DMD: variants seen among roughly 807,000 people sequenced by gnomAD.
DMD encodes the protein mutant dystrophin.
Under a neutral mutation model 330.1 loss-of-function variants are expected in DMD, and 63 were observed. The observed-to-expected ratio is 0.19, with a 90% confidence interval of 0.16 to 0.24. The LOEUF is 0.24. DMD is among the 10% of genes least tolerant of loss of function. The probability of loss-of-function intolerance (pLI) is 1.00; values close to 1 mark genes in which losing one functional copy is unlikely to be tolerated. For missense variants in DMD, 3,344 were observed against 2,684.1 expected (o/e 1.25, Z -5.43); for synonymous variants, 1,223 against 959.8 (o/e 1.27, Z -5.07).
chrX:32,204,976 A>C (rs967640995), intron 44 of DMD, among the ~76,000 whole-genome samples: 34 of 45,305 alleles, frequency 7.5e-4, no homozygotes, highest in Non-Finnish European at 9.1e-4. Flanking sequence ...CATCCAAGCC[A>C]TCTCTCTCTC....
intron 59 of DMD, among the ~76,000 whole-genome samples, chrX:31,451,700 T>A (rs1188681857): frequency 9.0e-6 from 1 of 111,324 alleles, no homozygotes; most frequent in Non-Finnish European, 1.9e-5. Context: ...TTCTGCCAAA[T>A]TCTGAGGGAC....
intron 44 of DMD, among the ~76,000 whole-genome samples, chrX:32,120,950 C>G (rs1001515592): frequency 8.9e-6 from 1 of 112,333 alleles, no homozygotes; most frequent in Admixed American, 9.4e-5. Context: ...TCTGGCTGCT[C>G]AAATCCCAAT....
intron 45 of DMD, among the ~76,000 whole-genome samples, chrX:31,958,720 G>T (rs1232157397): frequency 8.9e-6 from 1 of 111,952 alleles, no homozygotes; most frequent in Non-Finnish European, 1.9e-5. Flanking sequence ...TTATTGAGAA[G>T]CAGTTAGTTC....
chrX:32,330,018 G>A (rs968257218), intron 41 of DMD, among the ~76,000 whole-genome samples: 7 of 112,169 alleles, frequency 6.2e-5, no homozygotes, highest in African/African-American at 2.3e-4. Context: ...TTTAAAAACT[G>A]CTCATGATTA....
rs1603449187 is a variant in DMD, at chrX:31,699,202, G to T, written c.7661-19616C>A. On this transcript the variant is annotated intron_variant, in intron 52 of 78. Coordinates refer to ENST00000357033, the MANE Select transcript of DMD (RefSeq NM_004006.3). ...TGGTAACACTGTTGGACTTTTCTGG[G>T]GCTTCTTAAATCCTGAGTCATAAAG... 4.5e-5 allele frequency among the ~76,000 whole-genome samples: 5 copies of T among 111,939 alleles called. 1 individual carries two copies. In the Admixed American group the frequency reaches 4.7e-4, roughly 11 times the overall value.
At chrX:32,770,129 C>T (rs2073443927) in intron 7 of DMD, among the ~76,000 whole-genome samples, 1 of 111,848 alleles carries the variant, frequency 8.9e-6, no homozygotes, top group Admixed American at 9.5e-5. Flanking sequence ...CAATAAAAGG[C>T]AGGCATAGAA....
At chrX:32,689,423 TA>T (rs2063111776) in intron 9 of DMD, among the ~76,000 whole-genome samples, 1 of 111,296 alleles carries the variant, frequency 9.0e-6, no homozygotes, top group Non-Finnish European at 1.9e-5. Flanking sequence ...AAGTAATTTT[TA>T]AACTCTCAAC....
Position 32,515,425 on chromosome X carries a change from C to A in DMD, c.2292+2583G>T, listed in dbSNP as rs1045893617. Among the ~76,000 whole-genome samples, 4 of 111,028 alleles carry A rather than the reference C, an allele frequency of 3.6e-5. No homozygotes were observed. In the Admixed American group the frequency reaches 3.8e-4, roughly 11 times the overall value. On this transcript the variant is annotated intron_variant, in intron 18 of 78. Coordinates refer to ENST00000357033, the MANE Select transcript of DMD (RefSeq NM_004006.3). The stretch of plus-strand genomic sequence containing the variant: ...TGAAAGAGGGTAATCAAGTGCAGAT[C>A]CGAGGAAGAGCCCAAAGCCAGATGA...
chrX:32,236,429 C>A (rs139943640), intron 43 of DMD, among the ~76,000 whole-genome samples: 1 of 111,776 alleles, frequency 8.9e-6, no homozygotes, highest in East Asian at 2.8e-4. Flanking sequence ...TTACTTGTTC[C>A]AGTCCGATGG....
intron 9 of DMD, among the ~76,000 whole-genome samples, chrX:32,647,700 A>G (rs2059869449): frequency 1.8e-5 from 2 of 112,106 alleles, no homozygotes; most frequent in South Asian, 7.4e-4. Context: ...AGAATTAAAG[A>G]GTGCATAATG....
chrX:33,166,151 A>C (rs143336081), intron 1 of DMD, among the ~76,000 whole-genome samples: 113 of 111,369 alleles, frequency 1.0e-3, no homozygotes, highest in African/African-American at 3.4e-3. Flanking sequence ...AGTATATTCT[A>C]GGTTTTAAAA....
At chrX:31,819,779 G>A (rs1478978140) in intron 50 of DMD, among the ~76,000 whole-genome samples, 196 bp downstream of exon 50, 1 of 112,972 alleles carries the variant, frequency 8.9e-6, no homozygotes, top group East Asian at 2.8e-4. Flanking sequence ...CCCATATCCC[G>A]TTGTCATGCA....
intron 7 of DMD, among the ~76,000 whole-genome samples, chrX:32,793,686 ACAAC>A (rs764971757): frequency 1.8e-5 from 2 of 111,971 alleles, no homozygotes; most frequent in Non-Finnish European, 3.8e-5. Context: ...CCGGACACAT[ACAAC>A]CAACCGTGGA....
chrX:32,780,994 T>TGTA (rs970230790), intron 7 of DMD, among the ~76,000 whole-genome samples: 1 of 108,464 alleles, frequency 9.2e-6, no homozygotes, highest in African/African-American at 3.4e-5. Context: ...GGCAGGCGCC[T>TGTA]GTAGTCCCAG....
intron 45 of DMD, among the ~76,000 whole-genome samples, chrX:31,964,057 G>A (rs2095330366): frequency 9.0e-6 from 1 of 111,582 alleles, no homozygotes; most frequent in African/African-American, 3.3e-5. Flanking sequence ...CTCCTGATGT[G>A]ACGTAATACA....
chrX:32,806,992 G>A (rs1420099419), intron 7 of DMD, among the ~76,000 whole-genome samples: 3 of 108,920 alleles, frequency 2.8e-5, no homozygotes, highest in Non-Finnish European at 5.7e-5. Context: ...GAGAAAGCGG[G>A]AAAGATCTAA....
intron 60 of DMD, among the ~76,000 whole-genome samples, chrX:31,390,007 T>C (rs1350975085): frequency 8.9e-6 from 1 of 111,830 alleles, no homozygotes; most frequent in Non-Finnish European, 1.9e-5. Context: ...TTGCTTCATA[T>C]CTCAGATAAT....
chrX:32,437,404 G>T (rs996153191), intron 29 of DMD, among the ~76,000 whole-genome samples: 2 of 111,852 alleles, frequency 1.8e-5, no homozygotes, highest in Admixed American at 9.5e-5. Context: ...AAAGGTCCCC[G>T]ACATTGACTA....
At chrX:32,560,691 T>C (rs2050896751) in intron 16 of DMD, among the ~76,000 whole-genome samples, 1 of 111,709 alleles carries the variant, frequency 9.0e-6, no homozygotes, top group African/African-American at 3.3e-5. Context: ...CATGCAGTGT[T>C]TGGTTTTCTG....
Sources: gnomAD v4.1 joint callset for allele counts (sites outside exome capture counted in the v4.1 genomes callset) on GRCh38, gnomAD v4.1.1 for gene constraint, MANE v1.5 for transcripts, NCBI Gene and HGNC (gene_info 2026-07-23, HGNC 2026-07-21) for gene names.